The following SCAPER variants were observed in gnomAD, a reference collection of about 807,000 sequenced individuals.
SCAPER encodes the protein S phase cyclin A-associated protein in the endoplasmic reticulum.
Under a neutral mutation model 182.2 loss-of-function variants are expected in SCAPER, and 98 were observed. That is an observed-to-expected ratio of 0.54 (90% confidence interval 0.46 to 0.64). SCAPER has a LOEUF of 0.64. Among genes scored for constraint, SCAPER ranks in the 30% least tolerant of loss-of-function variants. SCAPER has a pLI of 0.00. For synonymous variants in SCAPER, 605 were observed against 564.6 expected (o/e 1.07, Z -1.01); for missense variants, 1,432 against 1,690.0 (o/e 0.85, Z 2.68).
Position 76,728,615 on chromosome 15 carries a change from A to G in SCAPER, c.2145T>C (p.Asp715=). The G allele has an allele frequency of 1.9e-6, 3 of 1,613,618 alleles. No individual in the cohort carries two copies. Among genetic ancestry groups the G allele is most frequent in the Non-Finnish European group, 2.5e-6 (3 of 1,179,622 alleles). Residue 715 remains aspartate, a synonymous_variant, in exon 17 of 32, where the codon GAT becomes GAC. Coordinates refer to ENST00000563290, the MANE Select transcript of SCAPER (RefSeq NM_020843.4). ...GATACCTAGCTCTTTCCCGGGCTGC[A>G]TCCTCACGGGCTTTTTCCTTTTCTT... is the stretch of plus-strand genomic sequence containing the variant. ...QRQEKEKARE[D]AARERARDRE...
At chr15:76,822,709 A>T (rs1213664474) in intron 5 of SCAPER, among the ~76,000 whole-genome samples, 1 of 152,188 alleles carries the variant, frequency 6.6e-6, no homozygotes, top group African/African-American at 2.4e-5. Flanking sequence ...TACACTCTAC[A>T]CACTTGGCAA....
At chr15:76,447,523 A>G (rs1483179831) in intron 25 of SCAPER, among the ~76,000 whole-genome samples, 7 of 150,656 alleles carry the variant, frequency 4.6e-5, no homozygotes, top group Admixed American at 4.6e-4. Context: ...GTCAGAATTG[A>G]ATTGAAGTAG....
chr15:76,871,253 CAAA>C (rs1328569449), intron 2 of SCAPER, among the ~76,000 whole-genome samples: 3 of 151,472 alleles, frequency 2.0e-5, no homozygotes, highest in Admixed American at 1.3e-4. Context: ...ACTGAAAATA[CAAA>C]AAATTAACTG....
intron 4 of SCAPER, among the ~76,000 whole-genome samples, chr15:76,856,635 T>C (rs2071405498): frequency 6.6e-6 from 1 of 151,924 alleles, no homozygotes; most frequent in Non-Finnish European, 1.5e-5. Context: ...TAGAAGCCCA[T>C]GTTTTTCTCA....
At position 76,516,172 on chromosome 15, in the gene SCAPER, C is replaced by T. The variant is rs531503036; in HGVS notation, c.2839-11198G>A. ...GAAAGTAGTGACCCAGAACTCAGAA[C>T]TTTCTTTCTTTCTTTTTTTTTTTAT... is the stretch of plus-strand genomic sequence containing the variant. On this transcript the variant is annotated intron_variant, in intron 23 of 31. Transcript: ENST00000563290. Among the ~76,000 whole-genome samples the T allele has an allele frequency of 1.9e-4, 28 of 150,618 alleles. 1 individual carries two copies. In the South Asian group the frequency reaches 5.9e-3, roughly 32 times the overall value.
intron 29 of SCAPER, among the ~76,000 whole-genome samples, chr15:76,370,965 C>T (rs1261856897): frequency 2.6e-5 from 4 of 152,178 alleles, no homozygotes; most frequent in African/African-American, 9.7e-5. Context: ...ATCTTCTACA[C>T]CCCCCACCGC....
intron 16 of SCAPER, among the ~76,000 whole-genome samples, chr15:76,731,921 T>G (rs2060943505): frequency 6.6e-6 from 1 of 152,206 alleles, no homozygotes; most frequent in Non-Finnish European, 1.5e-5. Flanking sequence ...AAGATAACTG[T>G]TATATTTCAA....
intron 22 of SCAPER, among the ~76,000 whole-genome samples, chr15:76,620,281 T>C (rs1256208035): frequency 2.0e-5 from 3 of 152,184 alleles, no homozygotes; most frequent in African/African-American, 4.8e-5. Flanking sequence ...TTGTCAGGAA[T>C]GAGTTAGCAC....
chr15:76,577,143 G>A (rs1293988654), intron 22 of SCAPER, among the ~76,000 whole-genome samples: 1 of 152,038 alleles, frequency 6.6e-6, no homozygotes, highest in Non-Finnish European at 1.5e-5. Flanking sequence ...GAGAGGGGAG[G>A]GAAGACTAAA....
chr15:76,363,808 C>A (rs556912812), intron 29 of SCAPER, among the ~76,000 whole-genome samples: 1 of 152,284 alleles, frequency 6.6e-6, no homozygotes, highest in South Asian at 2.1e-4. Flanking sequence ...TTCCTCTCCA[C>A]AAAACTGGTC....
intron 27 of SCAPER, among the ~76,000 whole-genome samples, chr15:76,395,153 T>C (rs766694159): frequency 1.3e-5 from 2 of 152,226 alleles, no homozygotes; most frequent in Admixed American, 6.5e-5. Flanking sequence ...TCGAATTTCA[T>C]CCATGTTGTT....
chr15:76,540,280 T>G (rs1450175830), intron 23 of SCAPER, among the ~76,000 whole-genome samples: 5 of 152,048 alleles, frequency 3.3e-5, no homozygotes, highest in Non-Finnish European at 5.9e-5. Flanking sequence ...TGCATGCCTG[T>G]AGTCCTAGCT....
At chr15:76,398,096 G>A (rs1053226533) in intron 27 of SCAPER, among the ~76,000 whole-genome samples, 2 of 152,062 alleles carry the variant, frequency 1.3e-5, no homozygotes, top group South Asian at 2.1e-4. Flanking sequence ...CTTTGCTTAT[G>A]CTATTTTCTT....
intron 4 of SCAPER, among the ~76,000 whole-genome samples, chr15:76,853,512 G>A (rs2071000973): frequency 6.6e-6 from 1 of 151,460 alleles, no homozygotes; most frequent in Non-Finnish European, 1.5e-5. Context: ...TTCAGCATAG[G>A]CAAATCAATA....
intron 26 of SCAPER, among the ~76,000 whole-genome samples, chr15:76,416,491 GA>G (rs55778050): frequency 0.97 from 143,360 of 147,880 alleles, 69,601 homozygotes; most frequent in East Asian, 1. Context: ...TCCATCTCAA[GA>G]AAAAAAAAAA....
At chr15:76,865,205 C>T (rs1018551645) in intron 2 of SCAPER, among the ~76,000 whole-genome samples, 20 of 152,020 alleles carry the variant, frequency 1.3e-4, no homozygotes, top group African/African-American at 3.4e-4. Flanking sequence ...AGGATAAATA[C>T]GAAGAAAACC....
intron 17 of SCAPER, among the ~76,000 whole-genome samples, chr15:76,726,266 G>A (rs974768682): frequency 1.3e-5 from 2 of 150,282 alleles, no homozygotes; most frequent in African/African-American, 4.9e-5. Context: ...CACATGAAAA[G>A]ATGCTTAAGG....
chr15:76,585,536 A>G (rs2145578960), intron 22 of SCAPER, among the ~76,000 whole-genome samples: 1 of 152,284 alleles, frequency 6.6e-6, no homozygotes, highest in Middle Eastern at 3.4e-3. Context: ...CAACAGATAT[A>G]TATGAATCTA....
intron 10 of SCAPER, 38 bp from the exon 11 acceptor site, chr15:76,767,126 A>G (rs1323310106): frequency 3.3e-6 from 5 of 1,498,890 alleles, no homozygotes; most frequent in Non-Finnish European, 3.6e-6. Flanking sequence ...AAGAAAAATG[A>G]TCACTTGACT....
Sources: gnomAD v4.1 joint callset for allele counts (sites outside exome capture counted in the v4.1 genomes callset) on GRCh38, gnomAD v4.1.1 for gene constraint, MANE v1.5 for transcripts, NCBI Gene and HGNC (gene_info 2026-07-23, HGNC 2026-07-21) for gene names.